The following COL4A4 variants were observed in gnomAD, a reference collection of about 807,000 sequenced individuals.
COL4A4 encodes collagen alpha-4(IV) chain.
COL4A4 carries 105 observed loss-of-function variants against 192.9 expected under a neutral mutation model. The observed-to-expected ratio is 0.54, with a 90% CI of 0.46 to 0.64. COL4A4 has a LOEUF of 0.64. COL4A4 is among the 30% of genes least tolerant of loss of function. The probability of loss-of-function intolerance (pLI) is 0.00; values close to 1 mark genes in which losing one functional copy is unlikely to be tolerated. For missense variants in COL4A4, 1,967 were observed against 2,169.3 expected (o/e 0.91, Z 1.85); for synonymous variants, 762 against 769.9 (o/e 0.99, Z 0.17).
rs1274978546 is a variant in COL4A4 at position 227,033,418 on chromosome 2, C to T, written c.3569G>A (p.Gly1190Asp). 1 of 1,613,330 alleles carries T rather than the reference C, an allele frequency of 6.2e-7. No individual in the cohort carries two copies. The highest frequency in any genetic ancestry group is 1.7e-5 in the Admixed American group (1 of 60,022). Residue 1190 changes from glycine (G) to aspartate (D), a missense_variant, in exon 38 of 48, where the codon GGT (glycine) becomes GAT (aspartate). By Grantham distance (94) the Gly-to-Asp change is moderately conservative. Transcript: ENST00000396625. ...ATCGATTAGGTGCTTACCTGAAGCA[C>T]CTTTAGTTCCTTTCTGACCTTTCAA... ...HGLKGQKGTKGASGLHDVGPP... is the reference protein window; with the variant it reads ...HGLKGQKGTKDASGLHDVGPP...
intron 12 of COL4A4, among the ~76,000 whole-genome samples, chr2:227,105,477 A>G (rs183979415): frequency 7.0e-4 from 107 of 152,302 alleles, no homozygotes; most frequent in African/African-American, 2.5e-3. Context: ...ACAAGAATGT[A>G]CTGTGATGTA....
rs558513569 is a variant in COL4A4 at position 227,076,570 on chromosome 2, A to G, written c.1987+1324T>C. On this transcript the variant is annotated intron_variant, in intron 25 of 47. Coordinates refer to ENST00000396625, the MANE Select transcript of COL4A4 (RefSeq NM_000092.5). The stretch of plus-strand genomic sequence containing the variant: ...AAACCTAGGCAATATCATTCAGGAC[A>G]TAGGCATGGGCAAAGACTTCATGAT... Among the ~76,000 whole-genome samples the G allele has an allele frequency of 7.9e-5, 12 of 152,362 alleles. 1 individual carries two copies. In the South Asian group the frequency reaches 1.4e-3, roughly 18 times the overall value.
At chr2:227,025,519 G>A (rs1046196432) in intron 43 of COL4A4, among the ~76,000 whole-genome samples, 9 of 152,292 alleles carry the variant, frequency 5.9e-5, no homozygotes, top group African/African-American at 2.2e-4. Flanking sequence ...TATAGCCTTT[G>A]ACAGAGAAAG....
chr2:227,016,419 G>C (rs2149800769), intron 44 of COL4A4, among the ~76,000 whole-genome samples: 1 of 152,262 alleles, frequency 6.6e-6, no homozygotes, highest in East Asian at 1.9e-4. Context: ...ACAGTGGTTG[G>C]CAAATTACAG....
chr2:226,983,740 C>A, the COL4A4 span, among the ~76,000 whole-genome samples: 2 of 151,906 alleles, frequency 1.3e-5, no homozygotes, highest in African/African-American at 4.8e-5. Context: ...TGGCTAATTT[C>A]AAATGGTCTT....
At chr2:227,048,822 C>T (rs1042557217) in intron 34 of COL4A4, among the ~76,000 whole-genome samples, 11 of 152,066 alleles carry the variant, frequency 7.2e-5, no homozygotes, top group Non-Finnish European at 1.2e-4. Context: ...TTCTGAACCC[C>T]AAAGTTATAA....
chr2:227,147,687 C>T, intron 1 of COL4A4, 103 bp from the exon 2 acceptor site: 1 of 507,512 alleles, frequency 2.0e-6, no homozygotes, highest in Non-Finnish European at 3.6e-6. Context: ...TAAAGGGTAA[C>T]TTCAACAATC....
intron 29 of COL4A4, among the ~76,000 whole-genome samples, chr2:227,056,712 G>A (rs998034433): frequency 6.6e-6 from 1 of 152,208 alleles, no homozygotes; most frequent in African/African-American, 2.4e-5. Context: ...AATCACCAAT[G>A]TGATAGTATT....
intron 25 of COL4A4, among the ~76,000 whole-genome samples, chr2:227,069,877 A>G (rs2058602012): frequency 6.6e-6 from 1 of 151,830 alleles, no homozygotes; most frequent in African/African-American, 2.4e-5. Flanking sequence ...ATGGGATCTA[A>G]TTAAACTAAA....
At chr2:227,043,261 C>T (rs1971816662) in intron 35 of COL4A4, 77 bp from the exon 36 acceptor site, 2 of 1,137,492 alleles carry the variant, frequency 1.8e-6, no homozygotes, top group South Asian at 2.5e-5. Flanking sequence ...TCAGCCCACC[C>T]TATTCTTTTC....
intron 22 of COL4A4, among the ~76,000 whole-genome samples, chr2:227,084,306 C>T (rs1476109782): frequency 6.6e-6 from 1 of 152,134 alleles, no homozygotes; most frequent in African/African-American, 2.4e-5. Flanking sequence ...GTTCACATAG[C>T]ATTTGGACAA....
chr2:227,068,056 A>C (rs1246908973), intron 25 of COL4A4, among the ~76,000 whole-genome samples: 1 of 146,702 alleles, frequency 6.8e-6, no homozygotes, highest in Admixed American at 6.9e-5. Flanking sequence ...ATCCCACAGA[A>C]ATACAAACTA....
chr2:227,137,882 T>C (rs1474484117), intron 4 of COL4A4, among the ~76,000 whole-genome samples: 1 of 152,160 alleles, frequency 6.6e-6, no homozygotes, highest in Non-Finnish European at 1.5e-5. Flanking sequence ...TCTTGGTATA[T>C]TTACATTAAT....
chr2:227,081,727 T>C (rs1380190326), intron 23 of COL4A4, among the ~76,000 whole-genome samples: 2 of 150,924 alleles, frequency 1.3e-5, no homozygotes, highest in Non-Finnish European at 2.9e-5. Flanking sequence ...ATTTCACATT[T>C]TGTTTAGGTC....
chr2:227,066,546 A>G (rs1345839286), intron 25 of COL4A4, among the ~76,000 whole-genome samples: 1 of 152,176 alleles, frequency 6.6e-6, no homozygotes, highest in Non-Finnish European at 1.5e-5. Flanking sequence ...GCCAGAAGAG[A>G]GTGGGGGCCA....
Position 227,121,080 on chromosome 2 carries a change from A to C in COL4A4, c.261T>G (p.Leu87=), listed in dbSNP as rs770559348. Residue 87 remains leucine (L), a synonymous_variant, in exon 5 of 48, where the codon CTT becomes CTG. Transcript: ENST00000396625. ...GPLGAPGPIG[L]SGEKGMRGDR... The stretch of plus-strand genomic sequence containing the variant: ...CCCCTCTCATTCCTTTCTCTCCTGA[A>C]AGCCCAATGGGTCCTGGGGCTCCCA... The C allele has an allele frequency of 1.9e-6, 3 of 1,613,978 alleles. No homozygotes were observed. Among genetic ancestry groups the C allele is most frequent in the Non-Finnish European group, 2.5e-6 (3 of 1,180,012 alleles).
rs1961885773 is a variant in COL4A4, at chr2:227,005,406, C to G, written c.*1919G>C. The G allele has an allele frequency of 6.6e-6, 1 of 152,016 alleles. No homozygotes were observed. The highest frequency in any genetic ancestry group is 1.5e-5 in the Non-Finnish European group (1 of 67,992). 9.4% of individuals were successfully genotyped at this position (152,016 alleles called of 1,614,324 possible). On this transcript the variant is annotated 3_prime_UTR_variant, in exon 48 of 48. Coordinates refer to ENST00000396625, the MANE Select transcript of COL4A4 (RefSeq NM_000092.5). ...GGTTGACTTTTGGTAATAGATAAAG[C>G]TTTTTGGGAAGGAGAAAGGTAATCA... is the stretch of plus-strand genomic sequence containing the variant.
At chr2:227,085,459 C>T (rs1286322164) in intron 22 of COL4A4, among the ~76,000 whole-genome samples, 1 of 152,172 alleles carries the variant, frequency 6.6e-6, no homozygotes, top group Admixed American at 6.5e-5. Context: ...TCCACTTTTG[C>T]TTCGCTATAA....
intron 43 of COL4A4, 75 bp downstream of exon 43, chr2:227,025,727 G>A (rs1349983253): frequency 7.5e-7 from 1 of 1,331,068 alleles, no homozygotes; most frequent in Non-Finnish European, 1.1e-6. Flanking sequence ...CACACATACA[G>A]AGGAAAAAGG....
Sources: gnomAD v4.1 joint callset for allele counts (sites outside exome capture counted in the v4.1 genomes callset) on GRCh38, gnomAD v4.1.1 for gene constraint, MANE v1.5 for transcripts, NCBI Gene and HGNC (gene_info 2026-07-23, HGNC 2026-07-21) for gene names.